PGAP4: variants seen among roughly 807,000 people sequenced by gnomAD.
The protein encoded by PGAP4 is GPI-N-acetylgalactosamine transferase PGAP4.
PGAP4 carries 12 observed loss-of-function variants against 28.2 expected under a neutral mutation model. That is an observed-to-expected ratio of 0.42 (90% CI 0.27 to 0.69). The LOEUF is 0.69. Ranked by LOEUF, PGAP4 falls within the 30% of genes least tolerant of loss-of-function variation. The pLI is 0.22. For missense variants in PGAP4, 425 were observed against 513.5 expected (o/e 0.83, Z 1.67); for synonymous variants, 205 against 211.8 (o/e 0.97, Z 0.28).
intron 2 of PGAP4, among the ~76,000 whole-genome samples, chr9:101,510,839 G>A (rs1826891604): frequency 6.6e-6 from 1 of 152,104 alleles, no homozygotes; most frequent in Non-Finnish European, 1.5e-5. Context: ...CTTAAAGCCT[G>A]CCACCAGATG....
intron 2 of PGAP4, among the ~76,000 whole-genome samples, chr9:101,519,542 T>C (rs1406056283): frequency 6.6e-6 from 1 of 152,092 alleles, no homozygotes; most frequent in Non-Finnish European, 1.5e-5. Flanking sequence ...TGTGAAGATT[T>C]TCTCCCACTC....
At chr9:101,507,928 G>A (rs1368222336) in intron 2 of PGAP4, among the ~76,000 whole-genome samples, 4 of 150,590 alleles carry the variant, frequency 2.7e-5, no homozygotes, top group African/African-American at 1.0e-4. Flanking sequence ...ATCTTTTTGA[G>A]AGCAGACCAA....
intron 2 of PGAP4, chr9:101,501,959 G>T: frequency 3.3e-6 from 1 of 303,584 alleles, no homozygotes; most frequent in Non-Finnish European, 6.6e-6. Context: ...AGTAGTATCT[G>T]CTGGATAATA....
chr9:101,494,544 T>A (rs1269983811), intron 2 of PGAP4, among the ~76,000 whole-genome samples: 1 of 151,794 alleles, frequency 6.6e-6, no homozygotes, highest in African/African-American at 2.4e-5. Flanking sequence ...AAATTTTTGT[T>A]TTGTTTAATC....
Position 101,495,257 on chromosome 9 carries a change from G to GTA in PGAP4, c.-164-6058_-164-6057insTA, listed in dbSNP as rs1826731614. ...TTTTATATATAATATATATTATATA[G>GTA]TTTATATATTTTATATATAATATAT... On this transcript the variant is annotated intron_variant, in intron 2 of 3. Transcript: ENST00000374851. Among the ~76,000 whole-genome samples, 7 of 7,958 alleles carry GTA rather than the reference G, an allele frequency of 8.8e-4. 1 individual carries two copies. The highest frequency in any genetic ancestry group is 4.7e-4 in the Non-Finnish European group (2 of 4,274). The allele number at this position is 7,958 out of a possible 152,430, so 5.2% of individuals were successfully genotyped here.
At chr9:101,520,179 G>C (rs1826977488) in intron 2 of PGAP4, among the ~76,000 whole-genome samples, 1 of 152,068 alleles carries the variant, frequency 6.6e-6, no homozygotes, top group Non-Finnish European at 1.5e-5. Flanking sequence ...ACTTAGTCTT[G>C]CTTTGGCTAT....
intron 2 of PGAP4, among the ~76,000 whole-genome samples, chr9:101,497,161 C>T (rs761691692): frequency 6.0e-5 from 9 of 150,470 alleles, no homozygotes; most frequent in Non-Finnish European, 1.0e-4. Context: ...TAATGAATAT[C>T]GATTATTTAA....
Position 101,482,039 on chromosome 9 carries a change from A to G in PGAP4, c.-77-4870T>C, listed in dbSNP as rs76952887. Among the ~76,000 whole-genome samples, 1,034 of 152,272 alleles carry G rather than the reference A, an allele frequency of 6.8e-3. 16 individuals are homozygous for G. Among genetic ancestry groups the G allele is most frequent in the African/African-American group, 0.024 (987 of 41,546 alleles). On this transcript the variant is annotated intron_variant, in intron 1 of 1. Transcript: ENST00000374848. ...TTCTGACCTCCAGAATGAGCAACAC[A>G]AGCCAAAAGATCTAGGTCCAATTCT...
chr9:101,478,352 T>C (rs1319264458), intron 1 of PGAP4, among the ~76,000 whole-genome samples: 1 of 152,234 alleles, frequency 6.6e-6, no homozygotes, highest in African/African-American at 2.4e-5. Flanking sequence ...AACTAAATGG[T>C]GTCTGCAGTA....
intron 2 of PGAP4, among the ~76,000 whole-genome samples, chr9:101,523,596 A>G (rs1039432373): frequency 1.4e-5 from 1 of 70,330 alleles, no homozygotes; most frequent in Admixed American, 1.6e-4. Flanking sequence ...TTCCTTGAAC[A>G]TTTCTCCCCT....
rs60771596 is a variant in PGAP4 at position 101,475,004 on chromosome 9, T to TC, written c.*876dup. 6.7e-6 allele frequency: 1 copy of TC among 150,254 alleles called. No individual in the cohort carries two copies. The highest frequency in any genetic ancestry group is 2.5e-5 in the African/African-American group (1 of 40,402). 9.3% of individuals were successfully genotyped at this position (150,254 alleles called of 1,614,324 possible). On this transcript the variant is annotated 3_prime_UTR_variant, in exon 2 of 2. Transcript: ENST00000374848. Reference sequence around the variant, plus strand: ...AGTCCATGATTTTTTTTTTTTTTTTTCTATAACATCATGCTACCTAGAAGA... The same window carrying TC: ...AGTCCATGATTTTTTTTTTTTTTTTTCCTATAACATCATGCTACCTAGAAGA...
At chr9:101,529,538 T>C (rs114780790) in intron 2 of PGAP4, among the ~76,000 whole-genome samples, 358 of 152,314 alleles carry the variant, frequency 2.4e-3, no homozygotes, top group African/African-American at 8.3e-3. Flanking sequence ...CACGTTTCCA[T>C]AGACTGTTAG....
At chr9:101,506,761 A>G (rs557496976) in intron 2 of PGAP4, among the ~76,000 whole-genome samples, 1 of 152,210 alleles carries the variant, frequency 6.6e-6, no homozygotes, top group African/African-American at 2.4e-5. Flanking sequence ...AATTCCCTTA[A>G]CATCCATTAA....
intron 2 of PGAP4, among the ~76,000 whole-genome samples, chr9:101,493,121 G>T (rs1005175349): frequency 6.6e-6 from 1 of 151,900 alleles, no homozygotes; most frequent in Non-Finnish European, 1.5e-5. Context: ...GGGTGTGGTG[G>T]CAGGCGCTCG....
intron 1 of PGAP4, among the ~76,000 whole-genome samples, chr9:101,480,172 C>G (rs1588196375): frequency 6.6e-6 from 1 of 152,120 alleles, no homozygotes; most frequent in East Asian, 1.9e-4. Flanking sequence ...ACCCGGCCCC[C>G]AACCCCAATC....
chr9:101,493,966 G>A (rs1272481418), intron 2 of PGAP4, among the ~76,000 whole-genome samples: 2 of 151,838 alleles, frequency 1.3e-5, no homozygotes, highest in Admixed American at 1.3e-4. Context: ...TCTAGTAACA[G>A]GTGTATCATA....
rs755411308 is a variant in PGAP4, at chr9:101,476,800, G to A, written c.293C>T (p.Pro98Leu). The A allele has an allele frequency of 3.9e-5, 63 of 1,611,434 alleles. No homozygotes were observed. The highest frequency in any genetic ancestry group is 1.3e-5 in the African/African-American group (1 of 74,914). ...GSVPIVWQAT[P>L]RPWLVITIIT... ...GATGGTGATCACCAGCCAGGGCCGG[G>A]GGGTGGCCTGCCAGACAATGGGCAC... The change falls in exon 2 of 2, where the codon CCC becomes CTC. Residue 98 changes from proline (P) to leucine (L), a missense_variant. Transcript: ENST00000374848. This position sits in a 1 kb window ranked among gnomAD's most constrained non-coding sequence, Gnocchi z 7.0.
chr9:101,505,630 C>T (rs1270752783), intron 2 of PGAP4, among the ~76,000 whole-genome samples: 1 of 152,038 alleles, frequency 6.6e-6, no homozygotes, highest in African/African-American at 2.4e-5. Flanking sequence ...AGGAGATAGT[C>T]CTCGAGTGAC....
chr9:101,476,091 G>A lies in PGAP4; in HGVS notation c.1002C>T (p.Thr334=). The change falls in exon 2 of 2, where the codon ACC becomes ACT. Residue 334 remains threonine (T), a synonymous_variant. Transcript: ENST00000374848. The surrounding 1 kb of genome is among the most constrained non-coding windows in gnomAD (Gnocchi z 7.0). Reference sequence around the variant, plus strand: ...CAGGTGCCGGGAAGAGCATGGCTGGGGTGCAACACTGAGAGGCAGGAACCA... The same window carrying A: ...CAGGTGCCGGGAAGAGCATGGCTGGAGTGCAACACTGAGAGGCAGGAACCA... ...YSVVPASQCC[T]PAMLFPAPAA... 1 of 1,614,136 alleles carries A rather than the reference G, an allele frequency of 6.2e-7. No individual in the cohort carries two copies. The highest frequency in any genetic ancestry group is 8.5e-7 in the Non-Finnish European group (1 of 1,180,018).
Sources: allele counts gnomAD v4.1 joint callset (sites outside exome capture counted in the v4.1 genomes callset), GRCh38; gene constraint gnomAD v4.1.1; non-coding constraint Gnocchi (gnomAD v3.1); transcripts MANE v1.5; gene names NCBI Gene and HGNC (gene_info 2026-07-23, HGNC 2026-07-21).